CREBRF: variants seen among roughly 807,000 people sequenced by gnomAD.
CREBRF encodes UPF0474 protein C5orf41.
In CREBRF, 5 loss-of-function variants were observed where a neutral mutation model predicts 66.1. The observed-to-expected ratio is 0.08, with a 90% CI of 0.04 to 0.16. CREBRF has a LOEUF of 0.16. CREBRF is among the 10% of genes least tolerant of loss of function. The pLI, the probability that CREBRF is intolerant of heterozygous loss-of-function variation, is 1.00. For synonymous variants in CREBRF, 229 were observed against 264.4 expected (o/e 0.87, Z 1.30); for missense variants, 531 against 744.9 (o/e 0.71, Z 3.34).
intron 7 of CREBRF, among the ~76,000 whole-genome samples, chr5:173,113,901 C>G (rs1218048380): frequency 1.3e-5 from 2 of 152,092 alleles, no homozygotes; most frequent in Non-Finnish European, 1.5e-5. Context: ...TTTGTTTAAG[C>G]CTGGTGTTAT....
chr5:173,109,443 T>C (rs927013704), intron 5 of CREBRF: 1 of 152,196 alleles, frequency 6.6e-6, no homozygotes, highest in Non-Finnish European at 1.5e-5. Flanking sequence ...GCTACTGCAC[T>C]CCATCCTGGG....
intron 4 of CREBRF, among the ~76,000 whole-genome samples, chr5:173,102,206 C>T (rs1758645631): frequency 6.6e-6 from 1 of 152,186 alleles, no homozygotes; most frequent in Non-Finnish European, 1.5e-5. Flanking sequence ...TTAGGAAGTT[C>T]ATAGATCTGC....
At chr5:173,113,304 C>CT (rs797012083) in intron 7 of CREBRF, among the ~76,000 whole-genome samples, 166 of 144,990 alleles carry the variant, frequency 1.1e-3, no homozygotes, top group African/African-American at 1.7e-3. Flanking sequence ...CAAGATTATT[C>CT]TTTTTTTTTT....
chr5:173,110,252 A>G (rs1404985309), intron 5 of CREBRF: 4 of 490,200 alleles, frequency 8.2e-6, no homozygotes, highest in Non-Finnish European at 1.5e-5. Context: ...AGAATCTGTC[A>G]TGCTGGAACT....
chr5:173,121,748 C>G (rs1021750834), intron 7 of CREBRF, among the ~76,000 whole-genome samples: 1 of 152,186 alleles, frequency 6.6e-6, no homozygotes, highest in Non-Finnish European at 1.5e-5. Context: ...TCCTGTGATT[C>G]GATATAGCAG....
At chr5:173,058,566 C>T (rs1200004909) in intron 1 of CREBRF, among the ~76,000 whole-genome samples, 1 of 151,858 alleles carries the variant, frequency 6.6e-6, no homozygotes, top group Non-Finnish European at 1.5e-5. Context: ...TCACTGCAAG[C>T]TCCGCCTCCC....
At position 173,137,426 on chromosome 5, in the gene CREBRF, T is replaced by TACATC. The variant is rs904798977; in HGVS notation, c.*3682_*3686dup. ...GGGGAAAGATTAGCAGTAATTTCACTACATCCCTTTTCTCTGACTTTCATG... is the reference window on the plus strand; with the variant it reads ...GGGGAAAGATTAGCAGTAATTTCACTACATCACATCCCTTTTCTCTGACTTTCATG... On this transcript the variant is annotated 3_prime_UTR_variant, in exon 9 of 9. Coordinates refer to ENST00000296953, the MANE Select transcript of CREBRF (RefSeq NM_153607.3). The TACATC allele has an allele frequency of 1.3e-5, 2 of 152,074 alleles. No homozygotes were observed. Among genetic ancestry groups the TACATC allele is most frequent in the African/African-American group, 4.8e-5 (2 of 41,450 alleles). 9.4% of individuals were successfully genotyped at this position (152,074 alleles called of 1,614,324 possible).
At chr5:173,111,367 A>G (rs1216337724) in intron 6 of CREBRF, among the ~76,000 whole-genome samples, 1 of 152,134 alleles carries the variant, frequency 6.6e-6, no homozygotes, top group Non-Finnish European at 1.5e-5. Flanking sequence ...CCAGGGCTCA[A>G]GGGATCTTCC....
intron 1 of CREBRF, among the ~76,000 whole-genome samples, chr5:173,072,469 G>A (rs1465026889): frequency 6.6e-6 from 1 of 151,972 alleles, no homozygotes; most frequent in African/African-American, 2.4e-5. Context: ...GTAGAGACGA[G>A]GTTTCACCGT....
intron 4 of CREBRF, among the ~76,000 whole-genome samples, chr5:173,105,081 C>G (rs142913599): frequency 3.3e-5 from 5 of 152,078 alleles, no homozygotes; most frequent in Non-Finnish European, 7.3e-5. Flanking sequence ...CATTTTAGTT[C>G]GTATAAATGG....
chr5:173,110,458 G>A (rs748985177), intron 5 of CREBRF, 64 bp from the exon 6 acceptor site: 10 of 1,193,724 alleles, frequency 8.4e-6, no homozygotes, highest in African/African-American at 7.5e-5. Flanking sequence ...AAATGTGGCC[G>A]TGAAAAACGT....
chr5:173,068,638 T>G lies in CREBRF; in HGVS notation c.-191-11947T>G, dbSNP rs531571201. 7.3e-5 allele frequency among the ~76,000 whole-genome samples: 11 copies of G among 151,136 alleles called. No homozygotes were observed. In the South Asian group the frequency reaches 2.3e-3, roughly 32 times the overall value. On this transcript the variant is annotated intron_variant, in intron 1 of 8. Transcript: ENST00000296953. ...AATGACTTTGTGAGTCCAGAGATTC[T>G]TTTGCTGATTAAACCAGCATAATTG... is the stretch of plus-strand genomic sequence containing the variant.
intron 4 of CREBRF, among the ~76,000 whole-genome samples, chr5:173,094,479 C>T (rs12516792): frequency 1.1e-4 from 16 of 152,158 alleles, no homozygotes; most frequent in East Asian, 5.8e-4. Flanking sequence ...ATAGCCATGC[C>T]GACAGGTATG....
intron 1 of CREBRF, among the ~76,000 whole-genome samples, chr5:173,065,668 CTTTTTT>C (rs745391126): frequency 1.6e-5 from 2 of 127,118 alleles, no homozygotes; most frequent in African/African-American, 6.0e-5. Flanking sequence ...TCTTCTTCTT[CTTTTTT>C]TTTTTTTTTA....
intron 1 of CREBRF, among the ~76,000 whole-genome samples, chr5:173,065,814 T>C (rs1172201484): frequency 6.6e-6 from 1 of 151,750 alleles, no homozygotes; most frequent in African/African-American, 2.4e-5. Flanking sequence ...AGCTAATTTT[T>C]TTTGTAGAGA....
At chr5:173,103,130 A>G (rs931694886) in intron 4 of CREBRF, among the ~76,000 whole-genome samples, 3 of 152,228 alleles carry the variant, frequency 2.0e-5, no homozygotes, top group African/African-American at 7.2e-5. Context: ...TTGCTCTTAC[A>G]TAACAGGACA....
intron 1 of CREBRF, chr5:173,060,123 C>G (rs1247818535): frequency 1.3e-5 from 2 of 151,730 alleles, no homozygotes; most frequent in Non-Finnish European, 2.9e-5. Flanking sequence ...TAATATAACT[C>G]AGTTTTTAAA....
At chr5:173,079,186 G>A (rs999452580) in intron 1 of CREBRF, among the ~76,000 whole-genome samples, 2 of 152,158 alleles carry the variant, frequency 1.3e-5, no homozygotes, top group Non-Finnish European at 2.9e-5. Context: ...GTGGGCACTT[G>A]ACATTGTTTC....
intron 3 of CREBRF, among the ~76,000 whole-genome samples, chr5:173,087,991 T>C (rs1758212513): frequency 6.6e-6 from 1 of 151,230 alleles, no homozygotes; most frequent in African/African-American, 2.4e-5. Context: ...ACCCGGCTAA[T>C]TTTTTGTATT....
Sources: allele counts gnomAD v4.1 joint callset (sites outside exome capture counted in the v4.1 genomes callset), GRCh38; gene constraint gnomAD v4.1.1; transcripts MANE v1.5; gene names NCBI Gene and HGNC (gene_info 2026-07-23, HGNC 2026-07-21).